LHCGR: variants seen among roughly 807,000 people sequenced by gnomAD.
The protein encoded by LHCGR is luteinizing hormone/choriogonadotropin receptor.
A neutral mutation model predicts 60.7 loss-of-function variants in LHCGR; 55 were observed. The observed-to-expected ratio is 0.91, with a 90% CI of 0.73 to 1.13. The LOEUF (loss-of-function observed/expected upper bound fraction) is 1.13. Among genes scored for constraint, LHCGR ranks in the 50% most tolerant of loss-of-function variants. The pLI is 0.00. For synonymous variants in LHCGR, 337 were observed against 316.5 expected (o/e 1.06, Z -0.69); for missense variants, 862 against 836.0 (o/e 1.03, Z -0.38).
chr2:48,711,245 C>T (rs909145037), intron 7 of LHCGR, among the ~76,000 whole-genome samples: 1 of 152,178 alleles, frequency 6.6e-6, no homozygotes. Context: ...TCTCAGATCT[C>T]AGTAACAGGT....
intron 1 of LHCGR, among the ~76,000 whole-genome samples, chr2:48,745,417 T>A (rs1669654516): frequency 6.6e-6 from 1 of 152,132 alleles, no homozygotes; most frequent in South Asian, 2.1e-4. Context: ...TGTGGCATTA[T>A]TCACAATAGC....
At chr2:48,708,821 C>G (rs1285053668) in intron 8 of LHCGR, 127 bp downstream of exon 8, 7 of 805,902 alleles carry the variant, frequency 8.7e-6, no homozygotes, top group African/African-American at 6.7e-5. Flanking sequence ...GTCTTTCCAA[C>G]AGCAGCCTTT....
At chr2:48,734,179 A>G (rs1003480728) in intron 1 of LHCGR, among the ~76,000 whole-genome samples, 5 of 152,232 alleles carry the variant, frequency 3.3e-5, no homozygotes, top group Non-Finnish European at 7.3e-5. Context: ...GAGAGCCTGT[A>G]GAAGTGAGAG....
At chr2:48,708,637 A>G in intron 8 of LHCGR, 1 of 501,054 alleles carries the variant, frequency 2.0e-6, no homozygotes, top group Non-Finnish European at 3.6e-6. Context: ...AGAAAGAACT[A>G]GCACAAGCTA....
chr2:48,746,651 T>C (rs1449273695), intron 1 of LHCGR, among the ~76,000 whole-genome samples: 1 of 152,198 alleles, frequency 6.6e-6, no homozygotes, highest in Non-Finnish European at 1.5e-5. Flanking sequence ...GGATAATGGA[T>C]TTTTCATGTC....
chr2:48,713,070 T>C (rs1668069693), intron 7 of LHCGR, among the ~76,000 whole-genome samples: 2 of 152,194 alleles, frequency 1.3e-5, no homozygotes, highest in African/African-American at 4.8e-5. Context: ...TTGTTAAAAT[T>C]GCAAATTCTC....
At chr2:48,725,436 G>A (rs1262511214) in intron 4 of LHCGR, among the ~76,000 whole-genome samples, 1 of 152,116 alleles carries the variant, frequency 6.6e-6, no homozygotes, top group Non-Finnish European at 1.5e-5. Flanking sequence ...GAGGGGTGAC[G>A]TTCTTCCCAG....
At chr2:48,739,426 T>C (rs552340164) in intron 1 of LHCGR, among the ~76,000 whole-genome samples, 4 of 152,220 alleles carry the variant, frequency 2.6e-5, no homozygotes, top group African/African-American at 7.2e-5. Context: ...TGTCCAACAA[T>C]GATAGACTGG....
chr2:48,698,561 A>G (rs1380313034), intron 9 of LHCGR, 54 bp downstream of exon 9: 1 of 1,479,444 alleles, frequency 6.8e-7, no homozygotes, highest in Non-Finnish European at 9.4e-7. Flanking sequence ...ACTATTTTGA[A>G]ATCTGAATTT....
rs917269418 is a variant in LHCGR, at chr2:48,717,855, T to G, written c.537-3801A>C. ...TGTCTTTTTTTTTTTTTTTTTTTTT[T>G]TCTGAATAGCCTCAGTCCTGCTTGT... On this transcript the variant is annotated intron_variant, in intron 6 of 10. Transcript: ENST00000294954. Among the ~76,000 whole-genome samples the G allele has an allele frequency of 1.6e-4, 23 of 139,878 alleles. No individual in the cohort carries two copies. The South Asian group carries it at 4.1e-3, about 25-fold the overall frequency. 91.8% of individuals were successfully genotyped at this position (139,878 alleles called of 152,430 possible).
At chr2:48,729,466 T>C (rs1015263061) in intron 2 of LHCGR, among the ~76,000 whole-genome samples, 1 of 152,300 alleles carries the variant, frequency 6.6e-6, no homozygotes, top group Non-Finnish European at 1.5e-5. Context: ...CCCCTGTTTA[T>C]GTGACAAGTT....
intron 4 of LHCGR, among the ~76,000 whole-genome samples, chr2:48,725,203 T>C (rs760506865): frequency 2.6e-5 from 4 of 152,200 alleles, no homozygotes; most frequent in Non-Finnish European, 5.9e-5. Context: ...TATGGCACAG[T>C]GTCTACCTTA....
At chr2:48,721,981 C>G (rs1426463544) in intron 6 of LHCGR, among the ~76,000 whole-genome samples, 3 of 152,276 alleles carry the variant, frequency 2.0e-5, no homozygotes, top group Admixed American at 2.0e-4. Context: ...GAAATCCTGT[C>G]TCTACTAAAA....
At position 48,688,853 on chromosome 2, in the gene LHCGR, TAAG is replaced by T; in HGVS notation, c.948-7_948-5del. ...CTCAGCAAGCATGGAAGAATAACTG[TAAG>T]AAGAATTATTGGCTTGAGGTAAGGG... On this transcript the variant is annotated splice_polypyrimidine_tract_variant and splice_region_variant and intron_variant, in intron 10 of 10. Coordinates refer to ENST00000294954, the MANE Select transcript of LHCGR (RefSeq NM_000233.4). The surrounding 1 kb of genome is among the most constrained non-coding windows in gnomAD (Gnocchi z 5.2). 1 of 1,613,592 alleles carries T rather than the reference TAAG, an allele frequency of 6.2e-7. No individual in the cohort carries two copies. Among genetic ancestry groups the T allele is most frequent in the Non-Finnish European group, 8.5e-7 (1 of 1,179,648 alleles).
chr2:48,751,505 T>G (rs1032244072), intron 1 of LHCGR, among the ~76,000 whole-genome samples: 4 of 152,204 alleles, frequency 2.6e-5, no homozygotes, highest in Non-Finnish European at 5.9e-5. Context: ...TCATAGTGAT[T>G]AATTCATTCT....
At chr2:48,721,588 A>G (rs1668498842) in intron 6 of LHCGR, 2 of 403,742 alleles carry the variant, frequency 5.0e-6, no homozygotes, top group South Asian at 3.9e-5. Context: ...CACAAAGTAA[A>G]AGTACTATAC....
chr2:48,740,784 C>A (rs1352529960), intron 1 of LHCGR, among the ~76,000 whole-genome samples: 1 of 152,156 alleles, frequency 6.6e-6, no homozygotes, highest in African/African-American at 2.4e-5. Flanking sequence ...AAGCAGAGTG[C>A]CTCTCCTCCT....
chr2:48,694,261 A>G lies in LHCGR; in HGVS notation c.910T>C (p.Cys304Arg). The G allele has an allele frequency of 6.2e-7, 1 of 1,600,186 alleles. No individual in the cohort carries two copies. Among genetic ancestry groups the G allele is most frequent in the Non-Finnish European group, 8.6e-7 (1 of 1,169,296 alleles). Residue 304 changes from cysteine to arginine, a missense_variant, in exon 10 of 11, where the codon TGT (cysteine) becomes CGT (arginine). Transcript: ENST00000294954. The stretch of plus-strand genomic sequence containing the variant: ...TTCACTTTCCTTACTGTGCTTTCAC[A>G]TTGTTTGGAAAAGTTTTCAGAAATG... Reference protein sequence around the residue: ...HSISENFSKQCESTVRKVNNK... With the variant: ...HSISENFSKQRESTVRKVNNK...
At chr2:48,708,256 C>A (rs1434417915) in intron 8 of LHCGR, among the ~76,000 whole-genome samples, 1 of 152,148 alleles carries the variant, frequency 6.6e-6, no homozygotes, top group Non-Finnish European at 1.5e-5. Context: ...TCAGCCCCGT[C>A]CAACCAAGTG....
Sources: gnomAD v4.1 joint callset for allele counts (sites outside exome capture counted in the v4.1 genomes callset) on GRCh38, gnomAD v4.1.1 for gene constraint, Gnocchi (gnomAD v3.1) non-coding constraint, MANE v1.5 for transcripts, NCBI Gene and HGNC (gene_info 2026-07-23, HGNC 2026-07-21) for gene names.